Variants in RAD51B observed in about 807,000 individuals in gnomAD.
The protein encoded by RAD51B is RAD51 paralog B.
Under a neutral mutation model 42.2 loss-of-function variants are expected in RAD51B, and 38 were observed. The observed-to-expected ratio is 0.90, with a 90% CI of 0.70 to 1.18. The LOEUF is 1.18. RAD51B is among the 50% of genes most tolerant of loss of function. RAD51B has a pLI of 0.00. For synonymous variants in RAD51B, 154 were observed against 145.2 expected (o/e 1.06, Z -0.43); for missense variants, 373 against 400.7 (o/e 0.93, Z 0.59).
chr14:67,901,472 C>T (rs748642310), intron 7 of RAD51B, among the ~76,000 whole-genome samples: 13 of 152,184 alleles, frequency 8.5e-5, no homozygotes, highest in Non-Finnish European at 1.8e-4. Flanking sequence ...AAGACCCTCC[C>T]TCTCTATCTG....
At chr14:68,614,235 C>CT (rs1478472767), downstream of RAD51B, among the ~76,000 whole-genome samples, 2 of 152,136 alleles carry the variant, frequency 1.3e-5, no homozygotes, top group Non-Finnish European at 2.9e-5. Context: ...ATTCTGTAGC[C>CT]TTTGTAGGGA....
intron 7 of RAD51B, among the ~76,000 whole-genome samples, chr14:68,061,613 C>T (rs1356731872): frequency 2.0e-5 from 3 of 151,894 alleles, no homozygotes; most frequent in African/African-American, 7.3e-5. Flanking sequence ...TTTTCACCTC[C>T]TTTGTTAAGT....
At chr14:67,855,813 A>T (rs950400175) in intron 4 of RAD51B, among the ~76,000 whole-genome samples, 1 of 152,210 alleles carries the variant, frequency 6.6e-6, no homozygotes, top group Admixed American at 6.5e-5. Flanking sequence ...GTGCCCCACA[A>T]GTTGTAACAG....
chr14:68,596,713 A>C (rs1547012), downstream of RAD51B, among the ~76,000 whole-genome samples: 25,684 of 152,238 alleles, frequency 0.17, 2,778 homozygotes, highest in Non-Finnish European at 0.24. Context: ...GTTTTAAAGA[A>C]CCTATCTAGC....
chr14:67,905,070 C>G (rs2043740423), intron 7 of RAD51B, among the ~76,000 whole-genome samples: 1 of 151,792 alleles, frequency 6.6e-6, no homozygotes, highest in Non-Finnish European at 1.5e-5. Context: ...TTTAGGCCAT[C>G]TTGAGTTGGT....
chr14:67,947,744 AC>A lies in RAD51B; in HGVS notation c.756+60541del, dbSNP rs2045444762. The stretch of plus-strand genomic sequence containing the variant: ...AAAGACTAATATTTGGTCCTAAAAA[AC>A]AAAAAAAACTTATCTTCATCTGTCA... On this transcript the variant is annotated intron_variant, in intron 7 of 10. Transcript: ENST00000471583. Among the ~76,000 whole-genome samples the A allele has an allele frequency of 2.6e-5, 4 of 152,240 alleles. No homozygotes were observed. In the South Asian group the frequency reaches 8.3e-4, roughly 32 times the overall value.
chr14:68,307,479 G>A (rs949040956), intron 8 of RAD51B, among the ~76,000 whole-genome samples: 9 of 152,262 alleles, frequency 5.9e-5, no homozygotes, highest in African/African-American at 2.2e-4. Context: ...TCTTTCAGCT[G>A]CCTTGTTTCA....
chr14:68,536,856 C>T (rs1379761714), intron 10 of RAD51B, among the ~76,000 whole-genome samples: 4 of 150,848 alleles, frequency 2.7e-5, no homozygotes, highest in South Asian at 4.2e-4. Context: ...CCGAGGCGGG[C>T]GGATCCCTTG....
chr14:67,821,992 C>CGT (rs138886330), intron 1 of RAD51B, among the ~76,000 whole-genome samples: 249 of 150,066 alleles, frequency 1.7e-3, no homozygotes, highest in South Asian at 7.4e-3. Context: ...ATTGTGTGTG[C>CGT]GTGTGTGTGT....
At chr14:68,502,364 AG>A (rs907810111) in intron 10 of RAD51B, among the ~76,000 whole-genome samples, 3 of 152,124 alleles carry the variant, frequency 2.0e-5, no homozygotes, top group Non-Finnish European at 2.9e-5. Context: ...TGCAGAAGGG[AG>A]GGGGGCGCAC....
chr14:68,680,582 G>A (rs563401006), intron 11 of RAD51B, among the ~76,000 whole-genome samples: 236 of 152,110 alleles, frequency 1.6e-3, no homozygotes, highest in African/African-American at 5.5e-3. Flanking sequence ...GCACACCACC[G>A]TCCCGTTCCT....
chr14:68,547,811 C>A (rs1323054963), intron 10 of RAD51B, among the ~76,000 whole-genome samples: 1 of 152,200 alleles, frequency 6.6e-6, no homozygotes, highest in Non-Finnish European at 1.5e-5. Context: ...TCATTCCTGG[C>A]CTCACTCTCC....
At chr14:68,432,636 T>C (rs1474914847) in intron 9 of RAD51B, among the ~76,000 whole-genome samples, 1 of 152,228 alleles carries the variant, frequency 6.6e-6, no homozygotes, top group Non-Finnish European at 1.5e-5. Flanking sequence ...ATTTTGAGCC[T>C]ATGTGTGTCT....
At chr14:68,241,437 GAGGCTGAGGC>G (rs1033520320) in intron 7 of RAD51B, among the ~76,000 whole-genome samples, 2 of 152,124 alleles carry the variant, frequency 1.3e-5, no homozygotes, top group African/African-American at 4.8e-5. Context: ...AGCTACTCGG[GAGGCTGAGGC>G]AGGAGAGTGG....
intron 10 of RAD51B, chr14:68,562,845 G>A (rs1412403676): frequency 3.0e-6 from 3 of 985,282 alleles, no homozygotes; most frequent in Non-Finnish European, 3.6e-6. Flanking sequence ...AAGTGAAAAT[G>A]TTCACAGCAG....
chr14:68,410,321 A>T (rs1412068544), intron 8 of RAD51B, among the ~76,000 whole-genome samples: 6 of 152,156 alleles, frequency 3.9e-5, no homozygotes, highest in African/African-American at 1.4e-4. Context: ...AAAAAGACCA[A>T]TTCCTACTCC....
chr14:68,225,135 T>C (rs888325137), intron 7 of RAD51B, among the ~76,000 whole-genome samples: 5 of 152,204 alleles, frequency 3.3e-5, no homozygotes, highest in African/African-American at 1.2e-4. Context: ...TAGAAAAATT[T>C]TGCAAACAGA....
intron 7 of RAD51B, among the ~76,000 whole-genome samples, chr14:68,046,439 C>A (rs1041918832): frequency 6.6e-6 from 1 of 152,188 alleles, no homozygotes; most frequent in Non-Finnish European, 1.5e-5. Context: ...GAGCCATCTT[C>A]AAATGTTGTG....
At chr14:67,907,592 T>G (rs950874049) in intron 7 of RAD51B, among the ~76,000 whole-genome samples, 1 of 152,006 alleles carries the variant, frequency 6.6e-6, no homozygotes, top group African/African-American at 2.4e-5. Flanking sequence ...AGCTGGAACA[T>G]TCACATGTGG....
Sources: allele counts gnomAD v4.1 joint callset (sites outside exome capture counted in the v4.1 genomes callset), GRCh38; gene constraint gnomAD v4.1.1; transcripts MANE v1.5; gene names NCBI Gene and HGNC (gene_info 2026-07-23, HGNC 2026-07-21).